The following GALNT13 variants were observed in gnomAD, a reference collection of about 807,000 sequenced individuals.
The protein encoded by GALNT13 is UDP-GalNAc:polypeptide N-acetylgalactosaminyltransferase 13.
Under a neutral mutation model 64.2 loss-of-function variants are expected in GALNT13, and 28 were observed. The ratio of observed to expected loss-of-function variants is 0.44; its 90% CI spans 0.32 to 0.60. The LOEUF (loss-of-function observed/expected upper bound fraction) is 0.60. GALNT13 is among the 20% of genes least tolerant of loss of function. The probability of loss-of-function intolerance (pLI) is 0.05; values close to 1 mark genes in which losing one functional copy is unlikely to be tolerated. For missense variants in GALNT13, 577 were observed against 669.8 expected (o/e 0.86, Z 1.53); for synonymous variants, 214 against 224.6 (o/e 0.95, Z 0.42).
chr2:154,004,494 G>T (rs535075794), intron 3 of GALNT13, among the ~76,000 whole-genome samples: 1 of 152,102 alleles, frequency 6.6e-6, no homozygotes, highest in East Asian at 1.9e-4. Context: ...GTGAGCCACC[G>T]CACCCAGCCA....
chr2:153,737,396 A>G, the GALNT13 span, among the ~76,000 whole-genome samples: 4 of 151,350 alleles, frequency 2.6e-5, no homozygotes, highest in East Asian at 5.8e-4. Flanking sequence ...TTTTTTTTCA[A>G]TGTTTTTTAT....
At chr2:154,339,327 G>T (rs143265477) in intron 9 of GALNT13, among the ~76,000 whole-genome samples, 2,641 of 152,098 alleles carry the variant, frequency 0.017, 75 homozygotes, top group African/African-American at 0.06. Context: ...TAATAATACT[G>T]TTGTATCATT....
the GALNT13 span, among the ~76,000 whole-genome samples, chr2:153,276,957 G>A: frequency 6.6e-6 from 1 of 151,952 alleles, no homozygotes; most frequent in Non-Finnish European, 1.5e-5. Context: ...TAAGAAATTA[G>A]TTTGTTTTTC....
At chr2:153,358,673 C>A in the GALNT13 span, among the ~76,000 whole-genome samples, 1 of 151,998 alleles carries the variant, frequency 6.6e-6, no homozygotes, top group Admixed American at 6.6e-5. Context: ...AAATGAATTC[C>A]TTTAAAATGT....
intron 9 of GALNT13, among the ~76,000 whole-genome samples, chr2:154,374,163 A>C (rs1559120623): frequency 6.6e-6 from 1 of 152,172 alleles, no homozygotes; most frequent in Non-Finnish European, 1.5e-5. Flanking sequence ...CATTTTGCAA[A>C]TTGGTAATAT....
At chr2:153,357,190 A>C in the GALNT13 span, 5 of 152,290 alleles carry the variant, frequency 3.3e-5, no homozygotes, top group Admixed American at 3.3e-4. Flanking sequence ...CTGCTGTGTT[A>C]GAATTTGATG....
chr2:154,161,021 C>T (rs1684695294), intron 4 of GALNT13, among the ~76,000 whole-genome samples: 1 of 152,148 alleles, frequency 6.6e-6, no homozygotes, highest in Non-Finnish European at 1.5e-5. Context: ...TCTATGCTTA[C>T]CACATTTATC....
At chr2:153,282,302 GA>G in the GALNT13 span, among the ~76,000 whole-genome samples, 2 of 152,194 alleles carry the variant, frequency 1.3e-5, no homozygotes, top group Non-Finnish European at 2.9e-5. Flanking sequence ...TCTTTGTGTT[GA>G]TTTTCAATGT....
chr2:153,797,191 A>C, the GALNT13 span, among the ~76,000 whole-genome samples: 1 of 152,356 alleles, frequency 6.6e-6, no homozygotes, highest in African/African-American at 2.4e-5. Flanking sequence ...AGTCTGTTAG[A>C]TGTGTCATGG....
chr2:153,244,925 G>A, the GALNT13 span, among the ~76,000 whole-genome samples: 1 of 152,238 alleles, frequency 6.6e-6, no homozygotes, highest in African/African-American at 2.4e-5. Context: ...CACCTGGGAT[G>A]ATTGAGCTTG....
At chr2:153,561,684 C>T in the GALNT13 span, among the ~76,000 whole-genome samples, 1 of 134,806 alleles carries the variant, frequency 7.4e-6, no homozygotes, top group African/African-American at 3.0e-5. Flanking sequence ...GTATTAATCA[C>T]CACTTAGGTT....
At chr2:153,719,888 G>A in the GALNT13 span, among the ~76,000 whole-genome samples, 2 of 152,118 alleles carry the variant, frequency 1.3e-5, no homozygotes, top group African/African-American at 4.8e-5. Context: ...TGGGGGAGGG[G>A]CTCCCGCCAT....
chr2:154,014,479 G>A (rs770335969), intron 3 of GALNT13, among the ~76,000 whole-genome samples: 7 of 151,344 alleles, frequency 4.6e-5, no homozygotes, highest in African/African-American at 1.5e-4. Flanking sequence ...TCCTCCTTCC[G>A]TCCACTCTCA....
intron 4 of GALNT13, among the ~76,000 whole-genome samples, chr2:154,159,022 T>C (rs1427988872): frequency 1.3e-5 from 2 of 152,136 alleles, no homozygotes; most frequent in Admixed American, 1.3e-4. Flanking sequence ...TTGTTTTACT[T>C]ACTTCTTTTC....
At chr2:153,440,720 CAT>C in the GALNT13 span, among the ~76,000 whole-genome samples, 1 of 152,230 alleles carries the variant, frequency 6.6e-6, no homozygotes, top group Non-Finnish European at 1.5e-5. Context: ...TGCTTTTTTT[CAT>C]ATGTCTGTTG....
chr2:153,134,915 G>A, the GALNT13 span, among the ~76,000 whole-genome samples: 8 of 152,132 alleles, frequency 5.3e-5, no homozygotes, highest in Non-Finnish European at 8.8e-5. Flanking sequence ...AATCAAGCAT[G>A]AGCACAGGGT....
At chr2:153,933,569 G>C (rs72865033) in intron 2 of GALNT13, among the ~76,000 whole-genome samples, 10,770 of 152,164 alleles carry the variant, frequency 0.071, 441 homozygotes, top group Middle Eastern at 0.13. Context: ...AAGTGGGGAT[G>C]TTTAGCCTCT....
the GALNT13 span, among the ~76,000 whole-genome samples, chr2:153,360,974 C>T: frequency 6.6e-6 from 1 of 152,264 alleles, no homozygotes. Flanking sequence ...CTCCTACTGG[C>T]ATCAGATTGG....
chr2:153,799,062 C>T, the GALNT13 span, among the ~76,000 whole-genome samples: 9 of 152,238 alleles, frequency 5.9e-5, no homozygotes, highest in East Asian at 1.5e-3. Flanking sequence ...AATGCAAGCT[C>T]ACTGGCTGCC....
Sources: gnomAD v4.1 joint callset for allele counts (sites outside exome capture counted in the v4.1 genomes callset) on GRCh38, gnomAD v4.1.1 for gene constraint, MANE v1.5 for transcripts, NCBI Gene and HGNC (gene_info 2026-07-23, HGNC 2026-07-21) for gene names.